Variants in NRXN1 observed in about 807,000 individuals in gnomAD.
NRXN1 encodes the protein neurexin 1.
In NRXN1, 39 loss-of-function variants were observed where a neutral mutation model predicts 150.9. That is an observed-to-expected ratio of 0.26 (90% CI 0.20 to 0.34). The LOEUF (loss-of-function observed/expected upper bound fraction) is 0.34. Ranked by LOEUF, NRXN1 falls within the 10% of genes least tolerant of loss-of-function variation. NRXN1 has a pLI of 1.00. For missense variants in NRXN1, 1,815 were observed against 1,949.9 expected, an observed-to-expected ratio of 0.93 and a Z score of 1.30; for synonymous variants, 924 against 757.0, an observed-to-expected ratio of 1.22 and a Z score of -3.62.
intron 5 of NRXN1, among the ~76,000 whole-genome samples, chr2:50,648,198 A>G (rs1245477073): frequency 6.6e-6 from 1 of 151,994 alleles, no homozygotes; most frequent in Non-Finnish European, 1.5e-5. Context: ...CAACAACGAC[A>G]TAAGGCAAAA....
At chr2:50,614,181 C>G (rs180771899) in intron 8 of NRXN1, among the ~76,000 whole-genome samples, 34 of 152,082 alleles carry the variant, frequency 2.2e-4, no homozygotes, top group African/African-American at 8.0e-4. Context: ...AGTCAGGGAC[C>G]TCAACAAGGA....
chr2:50,039,595 T>A (rs540044991), intron 21 of NRXN1, among the ~76,000 whole-genome samples: 1 of 152,294 alleles, frequency 6.6e-6, no homozygotes, highest in East Asian at 1.9e-4. Context: ...CCTGTAGCTC[T>A]CCATACTCTG....
intron 5 of NRXN1, among the ~76,000 whole-genome samples, chr2:50,801,065 AT>A (rs1442269916): frequency 6.6e-6 from 1 of 152,026 alleles, no homozygotes; most frequent in Non-Finnish European, 1.5e-5. Flanking sequence ...TAGCAAAGTT[AT>A]TTTTTTCCAA....
intron 2 of NRXN1, among the ~76,000 whole-genome samples, chr2:50,992,801 T>C (rs1460624281): frequency 6.6e-6 from 1 of 151,948 alleles, no homozygotes; most frequent in Non-Finnish European, 1.5e-5. Context: ...GGGGAGAGAA[T>C]AGTTTATGCA....
At chr2:49,954,748 ATCTTT>A (rs751453053) in intron 21 of NRXN1, among the ~76,000 whole-genome samples, 10 of 152,176 alleles carry the variant, frequency 6.6e-5, no homozygotes, top group Non-Finnish European at 1.5e-4. Context: ...ACAATGAGCT[ATCTTT>A]TCTTAGTGCA....
chr2:49,962,888 G>T (rs1487756355), intron 21 of NRXN1, among the ~76,000 whole-genome samples: 1 of 152,014 alleles, frequency 6.6e-6, no homozygotes, highest in African/African-American at 2.4e-5. Context: ...AGGATATGGA[G>T]ACAGCAGTGA....
chr2:50,288,254 G>A (rs1574940758), intron 17 of NRXN1, among the ~76,000 whole-genome samples: 2 of 151,990 alleles, frequency 1.3e-5, no homozygotes, highest in African/African-American at 2.4e-5. Flanking sequence ...GACATTTGAC[G>A]ATGTTGAGAG....
chr2:50,801,671 T>C (rs1325798825), intron 5 of NRXN1, among the ~76,000 whole-genome samples: 1 of 152,198 alleles, frequency 6.6e-6, no homozygotes, highest in Non-Finnish European at 1.5e-5. Flanking sequence ...ATATAATAGG[T>C]TTCCTAAATG....
intron 17 of NRXN1, among the ~76,000 whole-genome samples, chr2:50,387,179 C>T (rs1180017395): frequency 1.3e-5 from 2 of 151,980 alleles, no homozygotes; most frequent in African/African-American, 4.8e-5. Context: ...AAACAATAGA[C>T]TTTCAGGAGG....
intron 2 of NRXN1, among the ~76,000 whole-genome samples, chr2:50,956,714 C>G (rs1235506644): frequency 6.6e-6 from 1 of 151,028 alleles, no homozygotes; most frequent in Non-Finnish European, 1.5e-5. Context: ...GAGACTATCT[C>G]AAAAAATATA....
chr2:50,313,390 G>A (rs2075336769), intron 17 of NRXN1, among the ~76,000 whole-genome samples: 1 of 152,060 alleles, frequency 6.6e-6, no homozygotes. Flanking sequence ...CATTTATGAT[G>A]CTCTTGAGTA....
intron 19 of NRXN1, among the ~76,000 whole-genome samples, chr2:50,064,437 T>C (rs1695042695): frequency 6.6e-6 from 1 of 151,466 alleles, no homozygotes; most frequent in Non-Finnish European, 1.5e-5. Flanking sequence ...GATCTTCTTT[T>C]TTTTTTTCTA....
intron 17 of NRXN1, among the ~76,000 whole-genome samples, chr2:50,250,952 A>G (rs1252997030): frequency 6.6e-6 from 1 of 151,200 alleles, no homozygotes; most frequent in Non-Finnish European, 1.5e-5. Flanking sequence ...CATATGGCAT[A>G]TGTAATAAAT....
At chr2:50,375,051 G>A (rs1025469374) in intron 17 of NRXN1, among the ~76,000 whole-genome samples, 6 of 152,056 alleles carry the variant, frequency 3.9e-5, no homozygotes, top group Non-Finnish European at 8.8e-5. Context: ...GCAATTTTGT[G>A]GGCATAAAAA....
intron 12 of NRXN1, among the ~76,000 whole-genome samples, chr2:50,514,500 A>C (rs970373607): frequency 2.0e-5 from 3 of 152,214 alleles, no homozygotes; most frequent in African/African-American, 7.2e-5. Flanking sequence ...CAGCATTGGG[A>C]ATATCCGAGT....
At chr2:50,374,133 AAAG>A in intron 17 of NRXN1, among the ~76,000 whole-genome samples, 1 of 151,454 alleles carries the variant, frequency 6.6e-6, no homozygotes, top group East Asian at 2.0e-4. Context: ...TCTATTTCAA[AAAG>A]AAGAAAAAAA....
intron 5 of NRXN1, among the ~76,000 whole-genome samples, chr2:50,729,708 G>C (rs141600578): frequency 2.0e-5 from 3 of 152,062 alleles, no homozygotes; most frequent in Admixed American, 1.3e-4. Flanking sequence ...AGCCTCCCTC[G>C]GGGACTGGGT....
intron 18 of NRXN1, among the ~76,000 whole-genome samples, chr2:50,173,572 T>C (rs2060158182): frequency 6.6e-6 from 1 of 152,198 alleles, no homozygotes; most frequent in Non-Finnish European, 1.5e-5. Context: ...ATATTTGTGA[T>C]AATTATTTGC....
chr2:50,499,483 C>A (rs1455225373), intron 13 of NRXN1, among the ~76,000 whole-genome samples: 1 of 152,148 alleles, frequency 6.6e-6, no homozygotes, highest in Non-Finnish European at 1.5e-5. Context: ...CCTGTGACAT[C>A]ATTTCTATCT....
Sources: gnomAD v4.1 joint callset for allele counts (sites outside exome capture counted in the v4.1 genomes callset) on GRCh38, gnomAD v4.1.1 for gene constraint, MANE v1.5 for transcripts, NCBI Gene and HGNC (gene_info 2026-07-23, HGNC 2026-07-21) for gene names.